GRIP1: variants seen among roughly 807,000 people sequenced by gnomAD.
GRIP1 encodes the protein glutamate receptor-interacting protein 1.
In GRIP1, 45 loss-of-function variants were observed where a neutral mutation model predicts 129.9. The ratio of observed to expected loss-of-function variants is 0.35; its 90% CI spans 0.27 to 0.44. GRIP1 has a LOEUF of 0.44. GRIP1 is among the 20% of genes least tolerant of loss of function. GRIP1 has a pLI of 1.00. For missense variants in GRIP1, 1,196 were observed against 1,396.8 expected (o/e 0.86, Z 2.29); for synonymous variants, 530 against 520.8 (o/e 1.02, Z -0.24).
At chr12:66,657,360 G>A (rs570083694) in intron 1 of GRIP1, among the ~76,000 whole-genome samples, 1 of 152,246 alleles carries the variant, frequency 6.6e-6, no homozygotes, top group Non-Finnish European at 1.5e-5. Context: ...CTTTGGGATG[G>A]GAAGGCAGTG....
chr12:66,583,613 C>T (rs77907078), intron 2 of GRIP1, among the ~76,000 whole-genome samples: 3,452 of 107,932 alleles, frequency 0.032, 94 homozygotes, highest in East Asian at 0.042. Flanking sequence ...GAACAGACAC[C>T]TCTCAAAAGA....
intron 1 of GRIP1, chr12:66,626,775 G>A (rs1430605370): frequency 6.5e-6 from 1 of 152,894 alleles, no homozygotes; most frequent in Non-Finnish European, 1.5e-5. Flanking sequence ...ATAGAATCCT[G>A]ATGAGAAACA....
At chr12:66,370,321 G>A (rs1486331450) in intron 23 of GRIP1, among the ~76,000 whole-genome samples, 1 of 152,182 alleles carries the variant, frequency 6.6e-6, no homozygotes, top group Non-Finnish European at 1.5e-5. Context: ...GTTGTAATAC[G>A]TTCTTTGAGT....
At chr12:66,466,275 T>C (rs1226570191) in intron 7 of GRIP1, among the ~76,000 whole-genome samples, 1 of 152,248 alleles carries the variant, frequency 6.6e-6, no homozygotes, top group Admixed American at 6.5e-5. Context: ...ACGGACGACA[T>C]GCCTGTGTTC....
intron 14 of GRIP1, among the ~76,000 whole-genome samples, chr12:66,421,093 G>T (rs1030178199): frequency 2.0e-5 from 3 of 152,072 alleles, no homozygotes; most frequent in African/African-American, 7.2e-5. Context: ...CTGAAGGGTG[G>T]GTATCTCAGT....
chr12:66,933,455 G>C (rs2041433402), intron 1 of GRIP1, among the ~76,000 whole-genome samples: 2 of 152,160 alleles, frequency 1.3e-5, no homozygotes, highest in Non-Finnish European at 2.9e-5. Flanking sequence ...ATTTTGAAAT[G>C]TATTTACTAT....
chr12:67,015,065 G>A (rs1401073600), intron 1 of GRIP1, among the ~76,000 whole-genome samples: 1 of 152,108 alleles, frequency 6.6e-6, no homozygotes, highest in Non-Finnish European at 1.5e-5. Flanking sequence ...AACTAAAATA[G>A]CACTTTCTAA....
At chr12:66,570,174 A>G (rs1231089906) in intron 2 of GRIP1, among the ~76,000 whole-genome samples, 1 of 152,134 alleles carries the variant, frequency 6.6e-6, no homozygotes, top group Admixed American at 6.6e-5. Context: ...GCTGGAGTGC[A>G]CTGGTATGAT....
chr12:66,735,178 G>T (rs1280285172), intron 1 of GRIP1, among the ~76,000 whole-genome samples: 3 of 152,162 alleles, frequency 2.0e-5, no homozygotes, highest in African/African-American at 7.2e-5. Context: ...ATTTATAGGA[G>T]CGTGATTGTT....
upstream of GRIP1, chr12:67,069,230 G>A (rs117679591): frequency 0.21 from 91,980 of 448,048 alleles, 10,443 homozygotes; most frequent in South Asian, 0.3. Context: ...CAGCGGGGCT[G>A]GGGCGCCGAG....
chr12:66,459,819 C>G (rs1054381625), intron 9 of GRIP1, among the ~76,000 whole-genome samples: 18 of 152,158 alleles, frequency 1.2e-4, no homozygotes, highest in Non-Finnish European at 2.5e-4. Flanking sequence ...CAAATGTTTT[C>G]TGTTTTACAG....
At chr12:66,596,779 T>C in intron 2 of GRIP1, 68 bp downstream of exon 2, 2 of 876,336 alleles carry the variant, frequency 2.3e-6, no homozygotes, top group East Asian at 4.8e-5. Flanking sequence ...AAGTTGGAAT[T>C]ATTTAGAATC....
intron 1 of GRIP1, among the ~76,000 whole-genome samples, chr12:66,811,492 T>C (rs1241397668): frequency 6.7e-6 from 1 of 148,196 alleles, no homozygotes; most frequent in Admixed American, 6.8e-5. Flanking sequence ...TTAAGGTAAT[T>C]GTGAGACTTC....
At chr12:66,904,075 A>G (rs1266436018) in intron 1 of GRIP1, among the ~76,000 whole-genome samples, 1 of 152,222 alleles carries the variant, frequency 6.6e-6, no homozygotes, top group Admixed American at 6.5e-5. Context: ...AAGCAACTTT[A>G]TGTCTGCCTT....
At chr12:66,751,372 G>A (rs2037121965) in intron 1 of GRIP1, among the ~76,000 whole-genome samples, 1 of 152,134 alleles carries the variant, frequency 6.6e-6, no homozygotes, top group African/African-American at 2.4e-5. Context: ...AGGCAGAAAA[G>A]GGGTAACCAG....
chr12:66,738,666 C>A (rs1157870787), intron 1 of GRIP1, among the ~76,000 whole-genome samples: 1 of 152,104 alleles, frequency 6.6e-6, no homozygotes, highest in Non-Finnish European at 1.5e-5. Flanking sequence ...AAAGGGGACA[C>A]AGGGAGATGA....
Position 66,797,557 on chromosome 12 carries a change from G to T in GRIP1, c.-420+6496C>A, listed in dbSNP as rs184562752. 6.6e-5 allele frequency among the ~76,000 whole-genome samples: 10 copies of T among 152,220 alleles called. No individual in the cohort carries two copies. In the East Asian group the frequency reaches 1.7e-3, roughly 26 times the overall value. On this transcript the variant is annotated intron_variant, in intron 1 of 4. Coordinates refer to the GRIP1 transcript ENST00000538373. ...CCATTAAGAGAATTATATTTTGGGAGGATGGGAACTTTTATGGAAAGAATA... is the reference window on the plus strand; with the variant it reads ...CCATTAAGAGAATTATATTTTGGGATGATGGGAACTTTTATGGAAAGAATA...
intron 2 of GRIP1, among the ~76,000 whole-genome samples, chr12:66,555,083 A>T (rs1454515906): frequency 6.6e-6 from 1 of 152,128 alleles, no homozygotes; most frequent in Non-Finnish European, 1.5e-5. Context: ...TGGTTACAGC[A>T]GGCCTTAGGT....
At chr12:67,060,902 T>C (rs12312696) in intron 1 of GRIP1, among the ~76,000 whole-genome samples, 10,708 of 151,114 alleles carry the variant, frequency 0.071, 736 homozygotes, top group African/African-American at 0.18. Context: ...GTTCCAAACA[T>C]CATTTTAATT....
Sources: gnomAD v4.1 joint callset for allele counts (sites outside exome capture counted in the v4.1 genomes callset) on GRCh38, gnomAD v4.1.1 for gene constraint, MANE v1.5 for transcripts, NCBI Gene and HGNC (gene_info 2026-07-23, HGNC 2026-07-21) for gene names.